The following SCYL3 variants were observed in gnomAD, a reference collection of about 807,000 sequenced individuals.
The protein encoded by SCYL3 is SCY1 like pseudokinase 3, also known as protein-associating with the carboxyl-terminal domain of ezrin.
Under a neutral mutation model 73.8 loss-of-function variants are expected in SCYL3, and 35 were observed. The ratio of observed to expected loss-of-function variants is 0.47; its 90% CI spans 0.36 to 0.63. SCYL3 has a LOEUF of 0.63. SCYL3 is among the 20% of genes least tolerant of loss of function. The pLI is 0.00. For synonymous variants in SCYL3, 277 were observed against 295.2 expected (o/e 0.94, Z 0.63); for missense variants, 712 against 798.9 (o/e 0.89, Z 1.31).
At chr1:169,873,626 A>G (rs912757574) in intron 5 of SCYL3, 70 bp downstream of exon 5, 13 of 1,001,660 alleles carry the variant, frequency 1.3e-5, no homozygotes, top group Non-Finnish European at 1.8e-5. Flanking sequence ...TAAGCAGAGG[A>G]AAGTTTTTTA....
Position 169,854,978 on chromosome 1 carries a change from A to AATT in SCYL3, c.1313-17_1313-15dup, listed in dbSNP as rs759797052. On this transcript the variant is annotated splice_polypyrimidine_tract_variant and intron_variant, in intron 11 of 12. Transcript: ENST00000367771. ...AAAATGGATCGCCTGTAGGGAAAAT[A>AATT]ATTATTCTCATAAAATACTGGTTAA... The AATT allele has an allele frequency of 6.5e-7, 1 of 1,540,072 alleles. No homozygotes were observed. The highest frequency in any genetic ancestry group is 1.2e-5 in the South Asian group (1 of 83,978).
At chr1:169,867,560 C>T (rs749862212) in intron 7 of SCYL3, among the ~76,000 whole-genome samples, 10 of 152,166 alleles carry the variant, frequency 6.6e-5, no homozygotes, top group South Asian at 2.1e-4. Context: ...CCAGATGCTC[C>T]GGCATACAAG....
chr1:169,870,191 C>T (rs1660296022), intron 6 of SCYL3, 64 bp downstream of exon 6: 2 of 1,223,286 alleles, frequency 1.6e-6, no homozygotes, highest in Non-Finnish European at 2.4e-6. Context: ...GAATTCCACA[C>T]AGAATACGTC....
intron 3 of SCYL3, among the ~76,000 whole-genome samples, chr1:169,878,005 C>T (rs10800485): frequency 0.72 from 109,855 of 152,078 alleles, 40,535 homozygotes; most frequent in Middle Eastern, 0.89. Flanking sequence ...ACCTTAATGC[C>T]TCAGAATGCA....
intron 7 of SCYL3, 90 bp downstream of exon 7, chr1:169,868,838 C>T (rs1660208778): frequency 5.9e-6 from 5 of 842,346 alleles, no homozygotes; most frequent in Non-Finnish European, 7.8e-6. Context: ...TTTGGTCCTC[C>T]AAAAACCCCC....
intron 11 of SCYL3, among the ~76,000 whole-genome samples, chr1:169,858,245 TTC>T (rs1375430249): frequency 3.9e-5 from 6 of 152,236 alleles, no homozygotes; most frequent in Admixed American, 1.3e-4. Context: ...TGTAAGCTTT[TTC>T]TGTTTTTAAA....
At chr1:169,870,104 T>C (rs756703495) in intron 6 of SCYL3, 151 bp downstream of exon 6, 25 of 541,254 alleles carry the variant, frequency 4.6e-5, no homozygotes, top group Non-Finnish European at 6.8e-5. Flanking sequence ...CTTTCCTTAC[T>C]GTTCTTAGTA....
Position 169,870,187 on chromosome 1 carries a change from C to T in SCYL3, c.625+68G>A, listed in dbSNP as rs1660295688. The T allele has an allele frequency of 3.3e-6, 4 of 1,212,136 alleles. No homozygotes were observed. The East Asian group carries it at 7.3e-5, about 22-fold the overall frequency. The allele number at this position is 1,212,136 out of a possible 1,614,324, so 75.1% of individuals were successfully genotyped here. A position where few individuals can be genotyped will look rare whatever the true frequency, so the allele number is the denominator to read the frequency against. ...TCAAAGACTGTAGTCCTTTGAATTC[C>T]ACACAGAATACGTCATGGATGATTT... On this transcript the variant is annotated intron_variant, in intron 6 of 12. Coordinates refer to ENST00000367771, the MANE Select transcript of SCYL3 (RefSeq NM_020423.7).
chr1:169,876,958 TAAAAAAAAAAAAAA>T (rs61051062), intron 3 of SCYL3, among the ~76,000 whole-genome samples: 2 of 76,416 alleles, frequency 2.6e-5, no homozygotes, highest in South Asian at 5.2e-4. Flanking sequence ...TTGTCTCAAA[TAAAAAAAAAAAAAA>T]AAAAAAAAAA....
At position 169,853,716 on chromosome 1, in the gene SCYL3, C is replaced by A. The variant is rs186621475; in HGVS notation, c.2064G>T (p.Trp688Cys). The change falls in exon 13 of 13, where the codon TGG becomes TGT. Residue 688 changes from tryptophan (W) to cysteine (C), a missense_variant. Physicochemically the swap from Trp to Cys is radical, Grantham distance 215. Coordinates refer to ENST00000367771, the MANE Select transcript of SCYL3 (RefSeq NM_020423.7). Reference sequence around the variant, plus strand: ...AAAGTTTAACTCACATCTATTGTCACCAGTTATTATCTTCCCAGTTCAGCT... The same window carrying A: ...AAAGTTTAACTCACATCTATTGTCAACAGTTATTATCTTCCCAGTTCAGCT... Reference protein sequence around the residue: ...EGELNWEDNNW With the variant: ...EGELNWEDNNC The A allele has an allele frequency of 6.2e-6, 10 of 1,613,518 alleles. No homozygotes were observed. In the Admixed American group the frequency reaches 8.3e-5, roughly 13 times the overall value.
intron 1 of SCYL3, among the ~76,000 whole-genome samples, chr1:169,890,222 T>G (rs1661982966): frequency 6.6e-6 from 1 of 152,248 alleles, no homozygotes. Flanking sequence ...TGAATAGTTT[T>G]GTGGAAATCT....
chr1:169,854,422 T>G lies in SCYL3; in HGVS notation c.1855A>C (p.Met619Leu). 6.2e-7 allele frequency: 1 copy of G among 1,614,056 alleles called. No homozygotes were observed. The highest frequency in any genetic ancestry group is 8.5e-7 in the Non-Finnish European group (1 of 1,179,960). ...GGGATCATATCAGCAAACCAATCCA[T>G]CTCAGGATCTTTTACTGGCTTCTTT... Reference protein sequence around the residue: ...VKKKPVKDPEMDWFADMIPEI... With the variant: ...VKKKPVKDPELDWFADMIPEI... The change falls in exon 12 of 13, where the codon ATG (methionine) becomes CTG (leucine). Residue 619 changes from methionine to leucine, a missense_variant. By Grantham distance (15) the Met-to-Leu change is conservative. Transcript: ENST00000367771.
At position 169,852,282 on chromosome 1, in the gene SCYL3, C is replaced by T. The variant is rs777065909; in HGVS notation, c.*1431G>A. On this transcript the variant is annotated 3_prime_UTR_variant, in exon 13 of 13. Transcript: ENST00000367771. ...TAGTTTGATTCCTTGCCTTATTAATCAAATGAGTCTCCTAATAATTTTTGG... is the reference window on the plus strand; with the variant it reads ...TAGTTTGATTCCTTGCCTTATTAATTAAATGAGTCTCCTAATAATTTTTGG... The T allele has an allele frequency of 1.2e-5, 4 of 320,534 alleles. No individual in the cohort carries two copies. The highest frequency in any genetic ancestry group is 2.3e-5 in the Non-Finnish European group (4 of 170,798). The allele number at this position is 320,534 out of a possible 1,614,324, so 19.9% of individuals were successfully genotyped here.
In SCYL3 at chr1:169,854,882, G is replaced by A. The variant is rs1402470095; in HGVS notation, c.1395C>T (p.Phe465=). 1 of 1,613,814 alleles carries A rather than the reference G, an allele frequency of 6.2e-7. No individual in the cohort carries two copies. Among genetic ancestry groups the A allele is most frequent in the African/African-American group, 1.3e-5 (1 of 74,892 alleles). Residue 465 remains phenylalanine (F), a synonymous_variant, in exon 12 of 13, where the codon TTC becomes TTT. Coordinates refer to ENST00000367771, the MANE Select transcript of SCYL3 (RefSeq NM_020423.7). The stretch of plus-strand genomic sequence containing the variant: ...CCTCAGACTTTTTAGAACTTGATGG[G>A]AAGTTTTCACTGTCCTCCGAAGTAT... ...VKNTSEDSEN[F]PSSSKKSEEW...
chr1:169,859,259 T>G (rs748279189), intron 10 of SCYL3, 47 bp from the exon 11 acceptor site: 2 of 1,544,798 alleles, frequency 1.3e-6, no homozygotes, highest in Non-Finnish European at 1.8e-6. Flanking sequence ...AATACCTATC[T>G]CTTTCTTCCC....
chr1:169,887,890 A>G (rs547253680), intron 2 of SCYL3, among the ~76,000 whole-genome samples: 5 of 152,342 alleles, frequency 3.3e-5, no homozygotes, highest in East Asian at 1.9e-4. Flanking sequence ...ACAGACATCA[A>G]TGTTCCATAC....
intron 11 of SCYL3, among the ~76,000 whole-genome samples, chr1:169,856,256 T>C (rs980464307): frequency 6.6e-6 from 1 of 152,292 alleles, no homozygotes; most frequent in East Asian, 1.9e-4. Flanking sequence ...TCAAAACATG[T>C]TGGTGGAGAT....
chr1:169,889,249 C>T (rs1284873079), intron 1 of SCYL3, among the ~76,000 whole-genome samples: 1 of 152,052 alleles, frequency 6.6e-6, no homozygotes, highest in Non-Finnish European at 1.5e-5. Flanking sequence ...AAAAATATTA[C>T]TCAAAAACAA....
chr1:169,852,807 T>C lies in SCYL3; in HGVS notation c.*906A>G. On this transcript the variant is annotated 3_prime_UTR_variant, in exon 13 of 13. Coordinates refer to ENST00000367771, the MANE Select transcript of SCYL3 (RefSeq NM_020423.7). ...TTTTCCAGCCTTATGCAAAAAGAGC[T>C]CGTCAGGAGTTCCCCTGGGAAGAAG... is the stretch of plus-strand genomic sequence containing the variant. 3 of 1,613,968 alleles carry C rather than the reference T, an allele frequency of 1.9e-6. No individual in the cohort carries two copies. The highest frequency in any genetic ancestry group is 2.5e-6 in the Non-Finnish European group (3 of 1,179,908).
Sources: allele counts gnomAD v4.1 joint callset (sites outside exome capture counted in the v4.1 genomes callset), GRCh38; gene constraint gnomAD v4.1.1; transcripts MANE v1.5; gene names NCBI Gene and HGNC (gene_info 2026-07-23, HGNC 2026-07-21).